FRK: variants seen among roughly 807,000 people sequenced by gnomAD.
FRK encodes the protein fyn related Src family tyrosine kinase.
Under a neutral mutation model 56.4 loss-of-function variants are expected in FRK, and 51 were observed. That is an observed-to-expected ratio of 0.90 (90% CI 0.72 to 1.14). The LOEUF (loss-of-function observed/expected upper bound fraction) is 1.14, where lower values mean the gene tolerates loss of function less well. FRK is among the 50% of genes most tolerant of loss of function. The pLI is 0.00. For synonymous variants in FRK, 245 were observed against 217.9 expected, an observed-to-expected ratio of 1.12 and a Z score of -1.10; for missense variants, 570 against 601.4, an observed-to-expected ratio of 0.95 and a Z score of 0.55.
intron 2 of FRK, among the ~76,000 whole-genome samples, chr6:115,994,951 G>A (rs1261358450): frequency 6.6e-6 from 1 of 152,132 alleles, no homozygotes; most frequent in African/African-American, 2.4e-5. Flanking sequence ...GTTCCACTTA[G>A]GAGAGCAGAA....
Position 115,941,422 on chromosome 6 carries a change from C to T in FRK, c.*992G>A, listed in dbSNP as rs1209647252. 1 of 152,042 alleles carries T rather than the reference C, an allele frequency of 6.6e-6. No homozygotes were observed. Among genetic ancestry groups the T allele is most frequent in the East Asian group, 1.9e-4 (1 of 5,198 alleles). 9.4% of individuals were successfully genotyped at this position (152,042 alleles called of 1,614,324 possible). On this transcript the variant is annotated 3_prime_UTR_variant, in exon 8 of 8. Coordinates refer to ENST00000606080, the MANE Select transcript of FRK (RefSeq NM_002031.3). ...ACGGGTTGATGGGTGCAGCAAACCA[C>T]CATGGCACTTGTACACCTATGTAAC...
chr6:116,083,272 T>C, the FRK span, among the ~76,000 whole-genome samples: 1 of 152,128 alleles, frequency 6.6e-6, no homozygotes, highest in Non-Finnish European at 1.5e-5. Flanking sequence ...TAAGAGAGAA[T>C]GGGAGCGAAA....
upstream of FRK, among the ~76,000 whole-genome samples, chr6:116,063,645 C>T (rs2114847294): frequency 6.6e-6 from 1 of 152,256 alleles, no homozygotes; most frequent in South Asian, 2.1e-4. Context: ...CCATTCGAGA[C>T]TGTGGATATG....
chr6:116,024,397 C>T (rs1364851017), intron 1 of FRK, among the ~76,000 whole-genome samples: 1 of 151,272 alleles, frequency 6.6e-6, no homozygotes, highest in Non-Finnish European at 1.5e-5. Context: ...GTATATCTCC[C>T]AATGCTATCC....
the FRK span, among the ~76,000 whole-genome samples, chr6:116,081,030 T>C: frequency 4.6e-5 from 7 of 152,166 alleles, no homozygotes; most frequent in African/African-American, 1.7e-4. Flanking sequence ...AGCAAAGTCA[T>C]GTCCTACATG....
upstream of FRK, among the ~76,000 whole-genome samples, chr6:116,062,327 T>C (rs1459389076): frequency 1.3e-5 from 2 of 151,978 alleles, no homozygotes; most frequent in Non-Finnish European, 2.9e-5. Context: ...ACAGAAAATA[T>C]ATAATACCAA....
chr6:115,946,352 A>G (rs965353495), intron 5 of FRK, among the ~76,000 whole-genome samples: 4 of 152,190 alleles, frequency 2.6e-5, no homozygotes, highest in African/African-American at 9.7e-5. Flanking sequence ...CATCTGTACA[A>G]TGATAATAGT....
At chr6:116,081,365 T>C in the FRK span, among the ~76,000 whole-genome samples, 13 of 152,050 alleles carry the variant, frequency 8.5e-5, no homozygotes, top group Non-Finnish European at 1.5e-4. Context: ...TTGTAAAAAA[T>C]GATTCTATAG....
intron 2 of FRK, among the ~76,000 whole-genome samples, chr6:115,974,554 T>C (rs1773922749): frequency 6.6e-6 from 1 of 152,144 alleles, no homozygotes; most frequent in Admixed American, 6.5e-5. Flanking sequence ...AATTAGTATA[T>C]AACCAAAAAC....
At chr6:116,018,983 A>G (rs1382061435) in intron 1 of FRK, among the ~76,000 whole-genome samples, 1 of 152,132 alleles carries the variant, frequency 6.6e-6, no homozygotes, top group African/African-American at 2.4e-5. Flanking sequence ...CTGAAGGTGA[A>G]TGATAATAGA....
At chr6:115,967,507 C>G in intron 4 of FRK, 44 bp downstream of exon 4, 1 of 1,576,436 alleles carries the variant, frequency 6.3e-7, no homozygotes, top group Non-Finnish European at 8.7e-7. Context: ...AAATTGAGCT[C>G]ATAAAAATCA....
chr6:115,942,583 T>A lies in FRK; in HGVS notation c.1349A>T (p.Tyr450Phe). The A allele has an allele frequency of 6.2e-7, 1 of 1,613,828 alleles. No individual in the cohort carries two copies. The highest frequency in any genetic ancestry group is 1.3e-5 in the African/African-American group (1 of 75,014). Residue 450 changes from tyrosine to phenylalanine, a missense_variant, in exon 8 of 8, where the codon TAT becomes TTT. Coordinates refer to ENST00000606080, the MANE Select transcript of FRK (RefSeq NM_002031.3). ...AQVIQMLAQN[Y>F]RLPQPSNCPQ... ...ACAGTTGGATGGTTGCGGAAGTCTATAGTTTTGAGCCAACATCTGGATTAC... is the reference window on the plus strand; with the variant it reads ...ACAGTTGGATGGTTGCGGAAGTCTAAAGTTTTGAGCCAACATCTGGATTAC...
the FRK span, among the ~76,000 whole-genome samples, chr6:116,081,290 C>T: frequency 3.3e-5 from 5 of 152,086 alleles, no homozygotes; most frequent in East Asian, 1.9e-4. Context: ...AAATCAGTAC[C>T]ATCGTTTTGG....
intron 5 of FRK, 91 bp downstream of exon 5, chr6:115,956,361 T>G (rs529773189): frequency 3.6e-5 from 32 of 899,348 alleles, no homozygotes; most frequent in Non-Finnish European, 4.8e-5. Flanking sequence ...GTAAATATCC[T>G]TTCGGTTACA....
At chr6:116,000,250 T>A (rs1775009960) in intron 2 of FRK, among the ~76,000 whole-genome samples, 2 of 45,752 alleles carry the variant, frequency 4.4e-5, no homozygotes, top group Admixed American at 2.5e-4. Context: ...TTTTTTTTTT[T>A]TTTTTTTTTT....
chr6:116,021,507 C>T (rs1370434488), intron 1 of FRK, among the ~76,000 whole-genome samples: 2 of 152,114 alleles, frequency 1.3e-5, no homozygotes, highest in Non-Finnish European at 2.9e-5. Context: ...CTTCCACCTT[C>T]AAATTACAGT....
chr6:116,018,183 G>A (rs923310454), intron 1 of FRK, among the ~76,000 whole-genome samples: 6 of 152,102 alleles, frequency 3.9e-5, no homozygotes, highest in Non-Finnish European at 7.4e-5. Flanking sequence ...CCATGTTTCT[G>A]TATGCAAAGC....
upstream of FRK, among the ~76,000 whole-genome samples, chr6:116,063,325 T>A (rs1265073855): frequency 2.0e-5 from 3 of 152,168 alleles, no homozygotes; most frequent in Admixed American, 1.3e-4. Flanking sequence ...CATCAATTGA[T>A]GAATGGACAA....
At position 116,048,592 on chromosome 6, in the gene FRK, C is replaced by T. The variant is rs186649130; in HGVS notation, c.344+11376G>A. ...TTAGAGATGGAGTCTCGCCATGTTG[C>T]CCAGGCTGGTCTCAAACTCCTGGGC... On this transcript the variant is annotated intron_variant, in intron 1 of 7. Coordinates refer to ENST00000606080, the MANE Select transcript of FRK (RefSeq NM_002031.3). Among the ~76,000 whole-genome samples the T allele has an allele frequency of 1.4e-4, 21 of 152,050 alleles. 1 individual carries two copies. The East Asian group carries it at 2.9e-3, about 21-fold the overall frequency.
Sources: gnomAD v4.1 joint callset for allele counts (sites outside exome capture counted in the v4.1 genomes callset) on GRCh38, gnomAD v4.1.1 for gene constraint, MANE v1.5 for transcripts, NCBI Gene and HGNC (gene_info 2026-07-23, HGNC 2026-07-21) for gene names.